ZMYM2: variants seen among roughly 807,000 people sequenced by gnomAD.
ZMYM2 encodes zinc finger MYM-type containing 2.
Under a neutral mutation model 162.8 loss-of-function variants are expected in ZMYM2, and 56 were observed. The observed-to-expected ratio is 0.34, with a 90% CI of 0.28 to 0.43. The LOEUF (loss-of-function observed/expected upper bound fraction) is 0.43. Among genes scored for constraint, ZMYM2 ranks in the 20% least tolerant of loss-of-function variants. The pLI is 1.00. For missense variants in ZMYM2, 1,275 were observed against 1,621.8 expected, an observed-to-expected ratio of 0.79 and a Z score of 3.67; for synonymous variants, 510 against 541.6, an observed-to-expected ratio of 0.94 and a Z score of 0.81.
At chr13:20,014,070 TTTTG>T (rs774413039) in intron 6 of ZMYM2, among the ~76,000 whole-genome samples, 7 of 152,058 alleles carry the variant, frequency 4.6e-5, no homozygotes, top group East Asian at 1.9e-4. Flanking sequence ...TTTTGGGACT[TTTTG>T]TTTGTTTGTT....
chr13:20,032,942 C>A (rs969399134), intron 10 of ZMYM2, among the ~76,000 whole-genome samples: 4 of 152,068 alleles, frequency 2.6e-5, no homozygotes, highest in African/African-American at 9.7e-5. Context: ...CTTTGGAAAC[C>A]TGAAATTTCA....
intron 2 of ZMYM2, among the ~76,000 whole-genome samples, chr13:19,990,888 C>T (rs985663223): frequency 2.0e-5 from 3 of 152,132 alleles, no homozygotes; most frequent in Non-Finnish European, 4.4e-5. Context: ...ACTTGCCCTT[C>T]AGTTTTACCT....
intron 3 of ZMYM2, among the ~76,000 whole-genome samples, chr13:20,000,992 G>A (rs574199634): frequency 6.6e-6 from 1 of 152,328 alleles, no homozygotes; most frequent in Admixed American, 6.5e-5. Context: ...GAGTTTGGAA[G>A]AAGTTGATTT....
In ZMYM2 at chr13:20,087,236, T is replaced by A. The variant is rs1005371020; in HGVS notation, c.*1222T>A. 1.1e-5 allele frequency: 2 copies of A among 189,576 alleles called. No homozygotes were observed. The highest frequency in any genetic ancestry group is 2.2e-5 in the Non-Finnish European group (2 of 90,230). The allele number at this position is 189,576 out of a possible 1,614,324, so 11.7% of individuals were successfully genotyped here. The stretch of plus-strand genomic sequence containing the variant: ...AAATCCCATTTAATGTTAGATTGTT[T>A]GGCTTTTGAAATTACTTCTTATAGA... On this transcript the variant is annotated 3_prime_UTR_variant, in exon 25 of 25. Coordinates refer to ENST00000610343, the MANE Select transcript of ZMYM2 (RefSeq NM_197968.4).
intron 7 of ZMYM2, chr13:20,024,334 C>A (rs905179061): frequency 4.5e-5 from 9 of 200,608 alleles, no homozygotes; most frequent in Non-Finnish European, 8.2e-5. Flanking sequence ...AATCATTCTG[C>A]CAATAAAATC....
intron 3 of ZMYM2, among the ~76,000 whole-genome samples, chr13:19,995,512 G>A (rs556567133): frequency 6.6e-6 from 1 of 152,102 alleles, no homozygotes; most frequent in South Asian, 2.1e-4. Context: ...CCTAGTAGCT[G>A]GAATTATAAA....
Position 20,052,539 on chromosome 13 carries a change from C to T in ZMYM2, c.2493+228C>T, listed in dbSNP as rs971428430. On this transcript the variant is annotated intron_variant, in intron 14 of 24. Transcript: ENST00000610343. ...CCTCTACTCACAATGGGGCGATAGA[C>T]ATAAGTGATATTTGAGTTGACGGAT... is the stretch of plus-strand genomic sequence containing the variant. 5.9e-5 allele frequency among the ~76,000 whole-genome samples: 9 copies of T among 151,766 alleles called. No homozygotes were observed. In the East Asian group the frequency reaches 1.5e-3, roughly 26 times the overall value.
chr13:20,031,879 T>TC (rs1953187500), intron 10 of ZMYM2, among the ~76,000 whole-genome samples: 2 of 149,502 alleles, frequency 1.3e-5, no homozygotes, highest in Admixed American at 6.6e-5. Flanking sequence ...TTTTTTTTTT[T>TC]TTTCTTTTTT....
the ZMYM2 span, among the ~76,000 whole-genome samples, chr13:19,887,048 T>C: frequency 2.0e-5 from 3 of 151,900 alleles, no homozygotes; most frequent in Non-Finnish European, 4.4e-5. Flanking sequence ...TCCTGCAAAT[T>C]GGTAATTGCA....
intron 2 of ZMYM2, among the ~76,000 whole-genome samples, chr13:19,977,864 T>C (rs1428815704): frequency 1.3e-5 from 2 of 150,962 alleles, no homozygotes; most frequent in Non-Finnish European, 2.9e-5. Context: ...TCCCTTCTTT[T>C]CTATATATTT....
intron 14 of ZMYM2, among the ~76,000 whole-genome samples, chr13:20,057,838 A>T (rs368426815): frequency 6.6e-6 from 1 of 152,234 alleles, no homozygotes; most frequent in Admixed American, 6.5e-5. Context: ...GGGCAACCGT[A>T]TAGAACATAA....
intron 4 of ZMYM2, among the ~76,000 whole-genome samples, chr13:20,004,416 T>C (rs1187056911): frequency 6.6e-6 from 1 of 152,144 alleles, no homozygotes; most frequent in African/African-American, 2.4e-5. Context: ...CCACCATGCC[T>C]GGCTAATTTT....
the ZMYM2 span, among the ~76,000 whole-genome samples, chr13:19,884,152 G>A: frequency 6.6e-6 from 1 of 152,116 alleles, no homozygotes; most frequent in Non-Finnish European, 1.5e-5. Context: ...AGGATTGCTT[G>A]AGCTTATGAG....
At chr13:19,908,726 A>G in the ZMYM2 span, among the ~76,000 whole-genome samples, 1 of 152,150 alleles carries the variant, frequency 6.6e-6, no homozygotes, top group East Asian at 1.9e-4. Context: ...ATTAATTTAC[A>G]TTTTTGCAAG....
intron 2 of ZMYM2, among the ~76,000 whole-genome samples, chr13:19,986,088 C>CT: frequency 6.6e-6 from 1 of 152,038 alleles, no homozygotes; most frequent in South Asian, 2.1e-4. Context: ...ACTCAGGAGT[C>CT]TGAGACAGGA....
the ZMYM2 span, among the ~76,000 whole-genome samples, chr13:19,951,029 AATTT>A: frequency 6.6e-6 from 1 of 152,062 alleles, no homozygotes; most frequent in Non-Finnish European, 1.5e-5. Context: ...GTGATTTTTT[AATTT>A]ATTTATTTTG....
chr13:19,894,884 A>G, the ZMYM2 span, among the ~76,000 whole-genome samples: 2 of 151,706 alleles, frequency 1.3e-5, no homozygotes, highest in African/African-American at 4.9e-5. Flanking sequence ...TGAGGTTAGG[A>G]GTTTTAGATC....
chr13:20,019,115 A>C (rs1430389546), intron 6 of ZMYM2, among the ~76,000 whole-genome samples: 1 of 134,944 alleles, frequency 7.4e-6, no homozygotes, highest in Admixed American at 7.5e-5. Context: ...ACAAAAAAAA[A>C]CAATTTCTCA....
chr13:19,958,674 C>T (rs1314395577), upstream of ZMYM2: 1 of 153,848 alleles, frequency 6.5e-6, no homozygotes, highest in Non-Finnish European at 1.4e-5. Context: ...CCAATGAGCG[C>T]GCGGAGGGCG....
Sources: allele counts gnomAD v4.1 joint callset (sites outside exome capture counted in the v4.1 genomes callset), GRCh38; gene constraint gnomAD v4.1.1; transcripts MANE v1.5; gene names NCBI Gene and HGNC (gene_info 2026-07-23, HGNC 2026-07-21).